The following TENM4 variants were observed in gnomAD, a reference collection of about 807,000 sequenced individuals.
The protein encoded by TENM4 is teneurin-4.
A neutral mutation model predicts 243.3 loss-of-function variants in TENM4; 82 were observed. That is an observed-to-expected ratio of 0.34 (90% CI 0.28 to 0.40). The LOEUF is 0.40. TENM4 is among the 10% of genes least tolerant of loss of function. TENM4 has a pLI of 1.00. For synonymous variants in TENM4, 1,412 were observed against 1,456.3 expected (o/e 0.97, Z 0.69); for missense variants, 3,138 against 3,673.3 (o/e 0.85, Z 3.77).
At chr11:79,383,728 A>AT (rs1449401338) in intron 1 of TENM4, among the ~76,000 whole-genome samples, 8 of 152,108 alleles carry the variant, frequency 5.3e-5, no homozygotes, top group East Asian at 3.9e-4. Flanking sequence ...ATGTGTTTCT[A>AT]TTTTTTTACT....
chr11:78,992,116 G>T lies in TENM4; in HGVS notation c.493+72622C>A, dbSNP rs543217146. Among the ~76,000 whole-genome samples, 3 of 152,302 alleles carry T rather than the reference G, an allele frequency of 2.0e-5. No homozygotes were observed. The South Asian group carries it at 6.2e-4, about 32-fold the overall frequency. On this transcript the variant is annotated intron_variant, in intron 6 of 33. Coordinates refer to ENST00000278550, the MANE Select transcript of TENM4 (RefSeq NM_001098816.3). ...AAGGAGGAGTCAGAGTTACTGCAGA[G>T]GCAGACTTCTGTTAGGAAAAGGAGT... is the stretch of plus-strand genomic sequence containing the variant.
chr11:78,875,331 G>A (rs1226775492), intron 9 of TENM4, among the ~76,000 whole-genome samples: 1 of 152,078 alleles, frequency 6.6e-6, no homozygotes, highest in Non-Finnish European at 1.5e-5. Context: ...AGCCTCTCGA[G>A]TAGTTGAGAT....
rs554388769 is a variant in TENM4 at position 79,131,214 on chromosome 11, C to T, written c.-66+17496G>A. Among the ~76,000 whole-genome samples the T allele has an allele frequency of 7.2e-5, 11 of 152,116 alleles. No individual in the cohort carries two copies. In the South Asian group the frequency reaches 8.3e-4, roughly 12 times the overall value. On this transcript the variant is annotated intron_variant, in intron 4 of 33. Coordinates refer to ENST00000278550, the MANE Select transcript of TENM4 (RefSeq NM_001098816.3). Reference sequence around the variant, plus strand: ...AGAATTCATCGCAAAAAGATTGCCTCGGCACATTGTCATCGGGTTATCCAA... The same window carrying T: ...AGAATTCATCGCAAAAAGATTGCCTTGGCACATTGTCATCGGGTTATCCAA...
At chr11:79,337,885 G>A (rs1176792642) in intron 1 of TENM4, among the ~76,000 whole-genome samples, 2 of 152,218 alleles carry the variant, frequency 1.3e-5, no homozygotes, top group African/African-American at 2.4e-5. Flanking sequence ...CAAGGAACCT[G>A]CAGCTGGGGT....
At chr11:78,952,504 A>T (rs941201955) in intron 6 of TENM4, among the ~76,000 whole-genome samples, 5 of 152,210 alleles carry the variant, frequency 3.3e-5, no homozygotes, top group African/African-American at 1.2e-4. Context: ...GGCCAGAAGG[A>T]TGCTACTGAA....
At chr11:79,300,877 CACCAGAAATCTGGGTACCTGTTTCCT>C (rs1856539526) in intron 1 of TENM4, among the ~76,000 whole-genome samples, 1 of 152,148 alleles carries the variant, frequency 6.6e-6, no homozygotes, top group Admixed American at 6.5e-5. Context: ...AAAAGGGCAC[CACCAGAAATCTGGGTACCTGTTTCCT>C]ACCAGAAATC....
chr11:78,814,892 G>T (rs1388469547), intron 12 of TENM4, among the ~76,000 whole-genome samples: 1 of 152,080 alleles, frequency 6.6e-6, no homozygotes, highest in African/African-American at 2.4e-5. Flanking sequence ...GGTCCCCACC[G>T]TCTCTCACTG....
chr11:79,405,580 T>C (rs1858549434), intron 1 of TENM4, among the ~76,000 whole-genome samples: 1 of 152,148 alleles, frequency 6.6e-6, no homozygotes, highest in African/African-American at 2.4e-5. Context: ...ATTGTTTCTA[T>C]GTCTTTTACA....
chr11:79,220,014 C>A (rs769681880), intron 2 of TENM4, among the ~76,000 whole-genome samples: 2 of 152,196 alleles, frequency 1.3e-5, no homozygotes, highest in East Asian at 1.9e-4. Context: ...TCGGCTAAGC[C>A]GTGGTACCCG....
chr11:78,854,677 T>C (rs1430048240), intron 11 of TENM4, among the ~76,000 whole-genome samples: 1 of 152,124 alleles, frequency 6.6e-6, no homozygotes, highest in Non-Finnish European at 1.5e-5. Flanking sequence ...CACTTTACAA[T>C]TGGTTGAACT....
chr11:78,904,558 A>T (rs1856021757), intron 6 of TENM4, among the ~76,000 whole-genome samples: 1 of 152,070 alleles, frequency 6.6e-6, no homozygotes, highest in Non-Finnish European at 1.5e-5. Context: ...ACCACTCAAC[A>T]TTTACTGAGC....
chr11:78,909,512 G>A (rs1465818371), intron 6 of TENM4, among the ~76,000 whole-genome samples: 1 of 152,154 alleles, frequency 6.6e-6, no homozygotes, highest in Non-Finnish European at 1.5e-5. Flanking sequence ...TCTTTTTTGT[G>A]TGCATTCAAT....
At chr11:79,342,598 G>C (rs1466883741) in intron 1 of TENM4, among the ~76,000 whole-genome samples, 2 of 152,322 alleles carry the variant, frequency 1.3e-5, no homozygotes, top group East Asian at 3.9e-4. Flanking sequence ...CTCAGTCCTG[G>C]CTGCACAGAG....
intron 6 of TENM4, among the ~76,000 whole-genome samples, chr11:79,008,789 G>T (rs1451860312): frequency 6.6e-6 from 1 of 152,098 alleles, no homozygotes; most frequent in Non-Finnish European, 1.5e-5. Flanking sequence ...CACAATAATG[G>T]GGCCAAGGGA....
chr11:79,429,099 G>A (rs1017677731), intron 1 of TENM4, among the ~76,000 whole-genome samples: 29 of 152,158 alleles, frequency 1.9e-4, no homozygotes, highest in Non-Finnish European at 4.0e-4. Context: ...AGAAACAGGT[G>A]TAATATCATT....
intron 1 of TENM4, among the ~76,000 whole-genome samples, chr11:79,315,718 C>T (rs1856792420): frequency 6.6e-6 from 1 of 152,204 alleles, no homozygotes; most frequent in Non-Finnish European, 1.5e-5. Context: ...GTCCAAGATG[C>T]ACTGCTCAAA....
intron 1 of TENM4, among the ~76,000 whole-genome samples, chr11:79,342,920 T>C (rs1362191599): frequency 6.6e-6 from 1 of 152,212 alleles, no homozygotes; most frequent in Non-Finnish European, 1.5e-5. Context: ...CCTGTCCTTG[T>C]CCAAAACTGG....
intron 32 of TENM4, 61 bp from the exon 33 acceptor site, chr11:78,661,652 C>T: frequency 1.9e-6 from 3 of 1,581,098 alleles, no homozygotes; most frequent in Non-Finnish European, 2.6e-6. Context: ...TGCAACCCAT[C>T]CCCATCTCAC....
At chr11:79,270,238 G>C (rs1855947006) in intron 2 of TENM4, among the ~76,000 whole-genome samples, 1 of 152,168 alleles carries the variant, frequency 6.6e-6, no homozygotes, top group African/African-American at 2.4e-5. Context: ...TTAACAATGA[G>C]GGTGTAACTG....
Sources: gnomAD v4.1 joint callset for allele counts (sites outside exome capture counted in the v4.1 genomes callset) on GRCh38, gnomAD v4.1.1 for gene constraint, MANE v1.5 for transcripts, NCBI Gene and HGNC (gene_info 2026-07-23, HGNC 2026-07-21) for gene names.